Variants in BRWD1 observed in about 807,000 individuals in gnomAD.
BRWD1 encodes bromodomain and WD repeat domain containing 1, also known as bromodomain and WD repeat-containing protein 1.
Under a neutral mutation model 251.2 loss-of-function variants are expected in BRWD1, and 82 were observed. That is an observed-to-expected ratio of 0.33 (90% CI 0.27 to 0.39). The LOEUF is 0.39. Among genes scored for constraint, BRWD1 ranks in the 10% least tolerant of loss-of-function variants. BRWD1 has a pLI of 1.00. For missense variants in BRWD1, 2,233 were observed against 2,711.6 expected, an observed-to-expected ratio of 0.82 and a Z score of 3.92; for synonymous variants, 918 against 902.8, an observed-to-expected ratio of 1.02 and a Z score of -0.30.
At position 39,196,458 on chromosome 21, in the gene BRWD1, C is replaced by T. The variant is rs754098692; in HGVS notation, c.6611G>A (p.Arg2204His). ...CCTAGGGCGTTTGCTTTGTCTTTGACGTCTCACAGTTTTAGATATGTTAGC... is the reference window on the plus strand; with the variant it reads ...CCTAGGGCGTTTGCTTTGTCTTTGATGTCTCACAGTTTTAGATATGTTAGC... ...FTANISKTVR[R>H]QRQSKRPRLS... is the part of the protein sequence containing the mutation. The change falls in exon 41 of 41, where the codon CGT becomes CAT. Residue 2204 changes from arginine to histidine, a missense_variant. Physicochemically the swap from Arg to His is conservative, Grantham distance 29. Around this residue, in one of 12 missense-constraint regions of BRWD1, gnomAD observed 928 missense variants for 970.0 expected, o/e 0.96. Transcript: ENST00000342449. The T allele has an allele frequency of 3.1e-6, 5 of 1,613,262 alleles. No homozygotes were observed. The highest frequency in any genetic ancestry group is 1.3e-5 in the African/African-American group (1 of 74,932).
At chr21:39,315,287 G>A (rs1008628940), upstream of BRWD1, among the ~76,000 whole-genome samples, 1 of 151,758 alleles carries the variant, frequency 6.6e-6, no homozygotes, top group Non-Finnish European at 1.5e-5. Context: ...TTACATGCAT[G>A]AGCCACTGCG....
chr21:39,262,889 ATTAT>A (rs2034801079), intron 17 of BRWD1, among the ~76,000 whole-genome samples: 1 of 152,030 alleles, frequency 6.6e-6, no homozygotes, highest in African/African-American at 2.4e-5. Flanking sequence ...GTAGTTACTT[ATTAT>A]TTAACATCTG....
Position 39,269,915 on chromosome 21 carries a change from T to C in BRWD1, c.1514A>G (p.Lys505Arg). Residue 505 changes from lysine to arginine, a missense_variant, in exon 15 of 41, where the codon AAA becomes AGA. Lys to Arg is a conservative substitution (Grantham distance 26). Around this residue, in one of 12 missense-constraint regions of BRWD1, gnomAD observed 315 missense variants for 421.8 expected, o/e 0.75. Coordinates refer to ENST00000342449, the MANE Select transcript of BRWD1 (RefSeq NM_033656.4). ...TTCACTTACCATATTAAAATAATGT[T>C]TCATCTTGGTACCTTTTGTAATATC... is the stretch of plus-strand genomic sequence containing the variant. ...IWDITKGTKM[K>R]HYFNMIEGQG... 2 of 1,531,152 alleles carry C rather than the reference T, an allele frequency of 1.3e-6. No individual in the cohort carries two copies. The highest frequency in any genetic ancestry group is 1.8e-6 in the Non-Finnish European group (2 of 1,136,902). The allele number at this position is 1,531,152 out of a possible 1,614,324, so 94.8% of individuals were successfully genotyped here. A position where few individuals can be genotyped will look rare whatever the true frequency, so the allele number is the denominator to read the frequency against.
intron 37 of BRWD1, among the ~76,000 whole-genome samples, chr21:39,202,996 G>A (rs143690824): frequency 6.6e-6 from 1 of 152,298 alleles, no homozygotes; most frequent in African/African-American, 2.4e-5. Context: ...TTAAAAAAAG[G>A]CATCAGAACA....
In BRWD1 at chr21:39,196,551, T is replaced by C. The variant is rs376482697; in HGVS notation, c.6518A>G (p.Asn2173Ser). Residue 2173 changes from asparagine (N) to serine (S), a missense_variant, in exon 41 of 41, where the codon AAT becomes AGT. By Grantham distance (46) the Asn-to-Ser change is conservative. Transcript: ENST00000342449. ...CGTTTTCCTCCTTTTGGTTTTTGTATTATCAGTACAGTCAATATCTGATTC... is the reference window on the plus strand; with the variant it reads ...CGTTTTCCTCCTTTTGGTTTTTGTACTATCAGTACAGTCAATATCTGATTC... ...VTESDIDCTD[N>S]TKTKRRKTKG... 1.5e-5 allele frequency: 25 copies of C among 1,613,590 alleles called. No individual in the cohort carries two copies. The highest frequency in any genetic ancestry group is 1.5e-4 in the Admixed American group (9 of 59,938).
At chr21:39,206,498 C>T (rs2032396359) in intron 36 of BRWD1, among the ~76,000 whole-genome samples, 1 of 152,130 alleles carries the variant, frequency 6.6e-6, no homozygotes, top group Non-Finnish European at 1.5e-5. Context: ...TGAAGTCAAG[C>T]ATCTATATTC....
chr21:39,310,030 T>G (rs1231757130), intron 4 of BRWD1, among the ~76,000 whole-genome samples: 1 of 152,196 alleles, frequency 6.6e-6, no homozygotes, highest in Non-Finnish European at 1.5e-5. Flanking sequence ...TTTCTGGAAT[T>G]TGCTTAAAAA....
intron 37 of BRWD1, among the ~76,000 whole-genome samples, chr21:39,205,768 C>G (rs1435410449): frequency 6.6e-6 from 1 of 151,388 alleles, no homozygotes; most frequent in Non-Finnish European, 1.5e-5. Flanking sequence ...GAGACTCCGT[C>G]TCCAAAAATA....
intron 4 of BRWD1, 42 bp downstream of exon 4, chr21:39,312,799 G>T: frequency 6.5e-7 from 1 of 1,527,360 alleles, no homozygotes; most frequent in Non-Finnish European, 8.9e-7. Context: ...GGCGGGGGGC[G>T]GTGCACGGAA....
chr21:39,295,376 A>C (rs2146753709), intron 7 of BRWD1, among the ~76,000 whole-genome samples: 1 of 151,714 alleles, frequency 6.6e-6, no homozygotes, highest in South Asian at 2.1e-4. Flanking sequence ...TTTAGTAGAG[A>C]TGGGGTTTCA....
intron 20 of BRWD1, 114 bp downstream of exon 20, chr21:39,250,682 A>T: frequency 1.5e-6 from 1 of 664,992 alleles, no homozygotes. Context: ...AGAAAACCTT[A>T]AGCAAGAAAT....
intron 15 of BRWD1, among the ~76,000 whole-genome samples, chr21:39,266,123 G>A (rs1601417941): frequency 6.6e-6 from 1 of 152,044 alleles, no homozygotes; most frequent in East Asian, 1.9e-4. Context: ...ACAAACTCAC[G>A]TCCACGCCCA....
At position 39,196,548 on chromosome 21, in the gene BRWD1, G is replaced by C. The variant is rs764536662; in HGVS notation, c.6521C>G (p.Thr2174Arg). The change falls in exon 41 of 41, where the codon ACA becomes AGA. Residue 2174 changes from threonine to arginine, a missense_variant. By Grantham distance (71) the Thr-to-Arg change is moderately conservative (BLOSUM62 -1). Coordinates refer to ENST00000342449, the MANE Select transcript of BRWD1 (RefSeq NM_033656.4). ...TTTCGTTTTCCTCCTTTTGGTTTTT[G>C]TATTATCAGTACAGTCAATATCTGA... ...TESDIDCTDN[T>R]KTKRRKTKGK... 1 of 1,613,336 alleles carries C rather than the reference G, an allele frequency of 6.2e-7. No individual in the cohort carries two copies. Among genetic ancestry groups the C allele is most frequent in the South Asian group, 1.1e-5 (1 of 90,992 alleles).
At chr21:39,217,568 G>C (rs1238177798) in intron 31 of BRWD1, 1 of 158,118 alleles carries the variant, frequency 6.3e-6, no homozygotes, top group Non-Finnish European at 1.4e-5. Context: ...TGCTGCACTG[G>C]AAATGAGGAT....
chr21:39,302,225 C>T (rs944496659), intron 4 of BRWD1, among the ~76,000 whole-genome samples: 6 of 151,768 alleles, frequency 4.0e-5, no homozygotes, highest in Non-Finnish European at 7.4e-5. Context: ...CTCAGGTAAT[C>T]CACCCGCCTC....
In BRWD1 at chr21:39,269,985, T is replaced by G. The variant is rs1285219307; in HGVS notation, c.1444A>C (p.Arg482=). 6.3e-7 allele frequency: 1 copy of G among 1,595,670 alleles called. No homozygotes were observed. The highest frequency in any genetic ancestry group is 8.5e-7 in the Non-Finnish European group (1 of 1,170,464). The part of the protein sequence containing the change: ...FVLETHPFDS[R]IMLSAGHDGS... ...TCATGTCCTGCAGATAACATAATTC[T>G]GGAATCAAAGGGATGTGTCTCCAGA... The change falls in exon 15 of 41, where the codon AGA becomes CGA. Residue 482 remains arginine (R), a synonymous_variant. Transcript: ENST00000342449.
intron 25 of BRWD1, among the ~76,000 whole-genome samples, chr21:39,231,222 C>G (rs950266565): frequency 6.6e-6 from 1 of 152,088 alleles, no homozygotes; most frequent in African/African-American, 2.4e-5. Flanking sequence ...TACTACTACC[C>G]CACAGATCAT....
intron 4 of BRWD1, chr21:39,312,590 C>T (rs1382498672): frequency 8.3e-6 from 3 of 359,372 alleles, no homozygotes; most frequent in Non-Finnish European, 1.6e-5. Context: ...CCCACCCCTG[C>T]CGCAGGACCT....
chr21:39,253,028 G>A (rs965214937), intron 19 of BRWD1, among the ~76,000 whole-genome samples: 2 of 152,118 alleles, frequency 1.3e-5, no homozygotes, highest in Non-Finnish European at 2.9e-5. Flanking sequence ...GGTGGCTCAC[G>A]CCTGTAATCC....
Sources: allele counts gnomAD v4.1 joint callset (sites outside exome capture counted in the v4.1 genomes callset), GRCh38; gene constraint gnomAD v4.1.1; regional missense constraint gnomAD v4.1.1; transcripts MANE v1.5; gene names NCBI Gene and HGNC (gene_info 2026-07-23, HGNC 2026-07-21).